ADCK1: variants seen among roughly 807,000 people sequenced by gnomAD.
ADCK1 encodes aarF domain-containing protein kinase 1.
A neutral mutation model predicts 52.3 loss-of-function variants in ADCK1; 41 were observed. The ratio of observed to expected loss-of-function variants is 0.78; its 90% CI spans 0.61 to 1.02. The LOEUF (loss-of-function observed/expected upper bound fraction) is 1.02. Ranked by LOEUF, ADCK1 falls within the 50% of genes least tolerant of loss-of-function variation. ADCK1 has a pLI of 0.00. For synonymous variants in ADCK1, 250 were observed against 274.6 expected, an observed-to-expected ratio of 0.91 and a Z score of 0.89; for missense variants, 658 against 679.5, an observed-to-expected ratio of 0.97 and a Z score of 0.35.
intron 5 of ADCK1, among the ~76,000 whole-genome samples, chr14:77,890,044 A>G (rs888905529): frequency 6.6e-6 from 1 of 152,250 alleles, no homozygotes; most frequent in African/African-American, 2.4e-5. Context: ...CAATGCTGCT[A>G]TATTCAGTGG....
intron 7 of ADCK1, among the ~76,000 whole-genome samples, chr14:77,911,395 A>G (rs745958855): frequency 2.8e-4 from 43 of 152,188 alleles, no homozygotes; most frequent in Admixed American, 8.5e-4. Flanking sequence ...GCACCAACCC[A>G]ATACCTTGGG....
At position 77,923,094 on chromosome 14, in the gene ADCK1, C is replaced by G. The variant is rs1016578004; in HGVS notation, c.859-1363C>G. ...ATAAAGCAGAGCGAGTCCCTCCTAT[C>G]TTGGGAGTTTATGATAGTGGGATAG... On this transcript the variant is annotated intron_variant, in intron 7 of 10. Transcript: ENST00000238561. The surrounding 1 kb of genome is among the most constrained non-coding windows in gnomAD (Gnocchi z 4.3). 1 of 152,212 alleles carries G rather than the reference C, an allele frequency of 6.6e-6. No homozygotes were observed. 9.4% of individuals were successfully genotyped at this position (152,212 alleles called of 1,614,324 possible).
chr14:77,806,165 G>T (rs570913637), intron 1 of ADCK1, among the ~76,000 whole-genome samples: 25 of 151,664 alleles, frequency 1.6e-4, no homozygotes, highest in Non-Finnish European at 3.4e-4. Flanking sequence ...AGCTCAAGCG[G>T]TCTTCCCACC....
intron 7 of ADCK1, among the ~76,000 whole-genome samples, chr14:77,909,427 G>A (rs754656979): frequency 9.2e-5 from 14 of 152,146 alleles, no homozygotes; most frequent in Non-Finnish European, 1.8e-4. Flanking sequence ...GAGCCACCGC[G>A]CCTGGCTGTG....
At chr14:77,814,561 C>A (rs1307013333) in intron 1 of ADCK1, among the ~76,000 whole-genome samples, 1 of 151,212 alleles carries the variant, frequency 6.6e-6, no homozygotes, top group Non-Finnish European at 1.5e-5. Context: ...ATGGCGAAAC[C>A]CCATCTTTAC....
rs1179953801 is a variant in ADCK1, at chr14:77,934,418, C to G, written c.*1027C>G. 1.3e-5 allele frequency: 2 copies of G among 152,156 alleles called. No homozygotes were observed. The highest frequency in any genetic ancestry group is 2.9e-5 in the Non-Finnish European group (2 of 68,072). 9.4% of individuals were successfully genotyped at this position (152,156 alleles called of 1,614,324 possible). A position where few individuals can be genotyped will look rare whatever the true frequency, so the allele number is the denominator to read the frequency against. On this transcript the variant is annotated 3_prime_UTR_variant, in exon 11 of 11. Transcript: ENST00000238561. ...CCAACCTTGTTCTACTGTTTCCTGACTTATCCCTTTGGTTCTCATTCAGTG... is the reference window on the plus strand; with the variant it reads ...CCAACCTTGTTCTACTGTTTCCTGAGTTATCCCTTTGGTTCTCATTCAGTG...
intron 3 of ADCK1, among the ~76,000 whole-genome samples, chr14:77,845,090 G>A (rs2082149760): frequency 1.3e-5 from 2 of 152,204 alleles, no homozygotes; most frequent in Admixed American, 1.3e-4. Flanking sequence ...GCATAAGTAG[G>A]GGCAGTAATT....
At chr14:77,854,806 G>A (rs1263577303) in intron 3 of ADCK1, among the ~76,000 whole-genome samples, 1 of 152,104 alleles carries the variant, frequency 6.6e-6, no homozygotes, top group Non-Finnish European at 1.5e-5. Context: ...TGATCCACCT[G>A]CATTGGCTCC....
intron 3 of ADCK1, among the ~76,000 whole-genome samples, chr14:77,844,856 C>T (rs1355268384): frequency 6.6e-6 from 1 of 152,204 alleles, no homozygotes; most frequent in African/African-American, 2.4e-5. Flanking sequence ...TTGCAAACTC[C>T]ACTTGATTAG....
At chr14:77,838,895 A>G (rs902002799) in intron 3 of ADCK1, among the ~76,000 whole-genome samples, 2 of 152,166 alleles carry the variant, frequency 1.3e-5, no homozygotes, top group African/African-American at 4.8e-5. Flanking sequence ...TGGGTGTACA[A>G]TGGTCTGTTC....
chr14:77,876,676 C>T (rs1357445135), intron 4 of ADCK1, among the ~76,000 whole-genome samples: 1 of 152,166 alleles, frequency 6.6e-6, no homozygotes, highest in Non-Finnish European at 1.5e-5. Flanking sequence ...ACAGGTCTAC[C>T]AAGGCAGAGA....
intron 1 of ADCK1, 128 bp downstream of exon 1, chr14:77,800,298 T>C (rs890133667): frequency 6.6e-6 from 1 of 152,362 alleles, no homozygotes; most frequent in African/African-American, 2.4e-5. Flanking sequence ...GCTCCGGTTG[T>C]GCAGCCGCCC....
At chr14:77,803,851 T>A (rs1297440695) in intron 1 of ADCK1, among the ~76,000 whole-genome samples, 1 of 152,170 alleles carries the variant, frequency 6.6e-6, no homozygotes, top group Non-Finnish European at 1.5e-5. Context: ...GGTGTTCCTA[T>A]CAAAGACGTT....
chr14:77,873,433 G>T (rs1241634976), intron 4 of ADCK1, among the ~76,000 whole-genome samples: 6 of 152,226 alleles, frequency 3.9e-5, no homozygotes, highest in Non-Finnish European at 4.4e-5. Context: ...TGGAAGGGAA[G>T]CCTCGGCAAC....
chr14:77,852,482 G>A (rs1465886574), intron 3 of ADCK1, among the ~76,000 whole-genome samples: 6 of 150,982 alleles, frequency 4.0e-5, no homozygotes, highest in Admixed American at 1.3e-4. Context: ...GCCATCATTC[G>A]TATCTTTATT....
chr14:77,852,654 T>G (rs2082309211), intron 3 of ADCK1, among the ~76,000 whole-genome samples: 1 of 19,454 alleles, frequency 5.1e-5, no homozygotes, highest in Non-Finnish European at 9.5e-5. Context: ...TTTCTTTAAA[T>G]AAATAAATAT....
intron 4 of ADCK1, among the ~76,000 whole-genome samples, chr14:77,880,418 AGAACCAATAGTTTGATCTTTTG>A (rs1317371368): frequency 9.8e-5 from 15 of 152,384 alleles, no homozygotes; most frequent in Admixed American, 9.1e-4. Context: ...ATGGCTCTGC[AGAACCAATAGTTTGATCTTTTG>A]GAACCCCAGA....
At chr14:77,888,647 C>A (rs1015053357) in intron 5 of ADCK1, among the ~76,000 whole-genome samples, 5 of 151,964 alleles carry the variant, frequency 3.3e-5, no homozygotes, top group African/African-American at 1.2e-4. Context: ...GTTCAAGGGG[C>A]AGAATCATCA....
intron 1 of ADCK1, among the ~76,000 whole-genome samples, chr14:77,804,633 G>A (rs2081181048): frequency 6.6e-6 from 1 of 152,066 alleles, no homozygotes; most frequent in Non-Finnish European, 1.5e-5. Flanking sequence ...GGGATGGGGT[G>A]TTGGTGATGA....
Sources: allele counts gnomAD v4.1 joint callset (sites outside exome capture counted in the v4.1 genomes callset), GRCh38; gene constraint gnomAD v4.1.1; non-coding constraint Gnocchi (gnomAD v3.1); transcripts MANE v1.5; gene names NCBI Gene and HGNC (gene_info 2026-07-23, HGNC 2026-07-21).